Variants in LAMP2 observed in about 807,000 individuals in gnomAD.
LAMP2 encodes the protein lysosome associated membrane protein 2, also known as lysosome-associated membrane glycoprotein 2.
A neutral mutation model predicts 25.6 loss-of-function variants in LAMP2; 4 were observed. The observed-to-expected ratio is 0.16, with a 90% CI of 0.08 to 0.36. The LOEUF (loss-of-function observed/expected upper bound fraction) is 0.36, where lower values mean the gene tolerates loss of function less well. Ranked by LOEUF, LAMP2 falls within the 10% of genes least tolerant of loss-of-function variation. The pLI is 1.00. For missense variants in LAMP2, 272 were observed against 301.4 expected (o/e 0.90, Z 0.72); for synonymous variants, 108 against 112.7 (o/e 0.96, Z 0.27).
At chrX:120,443,622 ACATAAGGTT>A (rs1171379724) in intron 6 of LAMP2, among the ~76,000 whole-genome samples, 2 of 111,683 alleles carry the variant, frequency 1.8e-5, no homozygotes, top group Non-Finnish European at 3.8e-5. Flanking sequence ...ACTAAAGGAA[ACATAAGGTT>A]CATAAAGAGG....
intron 6 of LAMP2, among the ~76,000 whole-genome samples, chrX:120,442,924 TTCC>T (rs1403097671): frequency 8.9e-6 from 1 of 111,887 alleles, no homozygotes; most frequent in Non-Finnish European, 1.9e-5. Context: ...CTCAATTTTA[TTCC>T]TCCTGTCACT....
Position 120,447,479 on chromosome X carries a change from C to T in LAMP2, c.741+362G>A, listed in dbSNP as rs184352017. 4.6e-3 allele frequency among the ~76,000 whole-genome samples: 506 copies of T among 110,444 alleles called. 5 individuals carry two copies. Among genetic ancestry groups the T allele is most frequent in the African/African-American group, 0.016 (471 of 30,303 alleles). On this transcript the variant is annotated intron_variant, in intron 5 of 8. Coordinates refer to ENST00000200639, the MANE Select transcript of LAMP2 (RefSeq NM_002294.3). ...ATCCCAGCACTTTGGGAGGCCGAGA[C>T]GGGCGGAGCACAAGGTCAGGAGATC... is the stretch of plus-strand genomic sequence containing the variant.
intron 8 of LAMP2, chrX:120,439,094 G>A: frequency 8.3e-7 from 1 of 1,203,706 alleles, no homozygotes; most frequent in African/African-American, 1.7e-5. Context: ...GACCAGTATT[G>A]CATGTTGGAA....
At chrX:120,452,574 GTCTCTC>G (rs35651584) in intron 3 of LAMP2, among the ~76,000 whole-genome samples, 6,704 of 106,964 alleles carry the variant, frequency 0.063, 532 homozygotes, top group African/African-American at 0.21. Flanking sequence ...TTGAGACAGG[GTCTCTC>G]TCTCTCTGTC....
rs759191240 is a variant in LAMP2, at chrX:120,426,525, C to A, written c.*4798G>T. Among the ~76,000 whole-genome samples the A allele has an allele frequency of 9.0e-6, 1 of 110,867 alleles. No homozygotes were observed. Among genetic ancestry groups the A allele is most frequent in the African/African-American group, 3.3e-5 (1 of 30,530 alleles). On this transcript the variant is annotated 3_prime_UTR_variant, in exon 9 of 9. Transcript: ENST00000200639. ...ATTTTAATTCTCAAAGAATTAAACA[C>A]ACATATTTTCTAATTAATTAAGATA...
chrX:120,468,568 A>C (rs977767076), intron 1 of LAMP2, among the ~76,000 whole-genome samples: 6 of 110,575 alleles, frequency 5.4e-5, no homozygotes, highest in Admixed American at 1.9e-4. Context: ...CAACCCTGTC[A>C]CTGCCCCTGC....
chrX:120,455,310 T>C (rs755523431), intron 3 of LAMP2, 47 bp downstream of exon 3: 11 of 994,263 alleles, frequency 1.1e-5, no homozygotes, highest in Non-Finnish European at 1.4e-5. Context: ...ATTTTTATCA[T>C]TAATAAAAAG....
At chrX:120,468,967 C>G in intron 1 of LAMP2, 139 bp downstream of exon 1, 2 of 694,976 alleles carry the variant, frequency 2.9e-6, no homozygotes, top group Non-Finnish European at 4.7e-6. Flanking sequence ...CTTGCCTCCC[C>G]GGGCCAACCG....
Position 120,430,714 on chromosome X carries a change from C to CT in LAMP2, c.*608dup. 3 of 755,005 alleles carry CT rather than the reference C, an allele frequency of 4.0e-6. No individual in the cohort carries two copies. Among genetic ancestry groups the CT allele is most frequent in the Non-Finnish European group, 4.7e-6 (3 of 639,753 alleles). 62.2% of individuals were successfully genotyped at this position (755,005 alleles called of 1,213,427 possible). A position where few individuals can be genotyped will look rare whatever the true frequency, so the allele number is the denominator to read the frequency against. ...AGGGAAAAATCACAGGCTTGAGGTA[C>CT]TAACTTCATGCTTAACTTGAACTCA... On this transcript the variant is annotated 3_prime_UTR_variant, in exon 9 of 9. Coordinates refer to ENST00000200639, the MANE Select transcript of LAMP2 (RefSeq NM_002294.3).
At position 120,430,774 on chromosome X, in the gene LAMP2, G is replaced by A; in HGVS notation, c.*549C>T. On this transcript the variant is annotated 3_prime_UTR_variant, in exon 9 of 9. Transcript: ENST00000200639. ...GCAAAAGTCACATAACCTTTAAAAT[G>A]CTGATGGTCCTGAGGACATTCTCTA... The A allele has an allele frequency of 1.3e-6, 1 of 754,171 alleles. No individual in the cohort carries two copies. Among genetic ancestry groups the A allele is most frequent in the Non-Finnish European group, 1.6e-6 (1 of 638,893 alleles). The allele number at this position is 754,171 out of a possible 1,213,427, so 62.2% of individuals were successfully genotyped here.
rs776335166 is a variant in LAMP2, at chrX:120,431,607, G to T, written c.1094-145C>A. 1.7e-4 allele frequency: 87 copies of T among 510,729 alleles called. 2 individuals are homozygous for T. Among genetic ancestry groups the T allele is most frequent in the Admixed American group, 5.1e-4 (18 of 35,230 alleles). The allele number at this position is 510,729 out of a possible 1,213,427, so 42.1% of individuals were successfully genotyped here. A position where few individuals can be genotyped will look rare whatever the true frequency, so the allele number is the denominator to read the frequency against. Reference sequence around the variant, plus strand: ...ACAAGTCATTGGCATTTCATTATCAGCAAATGAGATGTTCCACAAAAGTGA... The same window carrying T: ...ACAAGTCATTGGCATTTCATTATCATCAAATGAGATGTTCCACAAAAGTGA... On this transcript the variant is annotated intron_variant, in intron 8 of 8. Transcript: ENST00000200639.
At chrX:120,435,213 A>C (rs2058538185) in intron 8 of LAMP2, among the ~76,000 whole-genome samples, 1 of 112,542 alleles carries the variant, frequency 8.9e-6, no homozygotes, top group Non-Finnish European at 1.9e-5. Context: ...TTCTTAGGTG[A>C]TATTTTGTTA....
chrX:120,436,164 A>G (rs867944831), intron 8 of LAMP2, among the ~76,000 whole-genome samples: 1 of 85,688 alleles, frequency 1.2e-5, no homozygotes, highest in Non-Finnish European at 2.3e-5. Flanking sequence ...ACACACACAC[A>G]CACACACTCT....
chrX:120,432,636 G>C (rs1283707288), intron 8 of LAMP2, among the ~76,000 whole-genome samples: 1 of 111,738 alleles, frequency 8.9e-6, no homozygotes, highest in African/African-American at 3.3e-5. Flanking sequence ...GGAGATAATA[G>C]AATGGTTTCC....
At chrX:120,437,633 C>CA (rs769244306) in intron 8 of LAMP2, 3 of 749,762 alleles carry the variant, frequency 4.0e-6, no homozygotes, top group Non-Finnish European at 4.7e-6. Context: ...GTACATCTCT[C>CA]AGACCACAAA....
chrX:120,462,570 A>G (rs1921364920), intron 1 of LAMP2, among the ~76,000 whole-genome samples: 1 of 109,209 alleles, frequency 9.2e-6, no homozygotes, highest in Non-Finnish European at 1.9e-5. Flanking sequence ...TACTTCCCCA[A>G]GTGTATGACA....
rs1295088140 is a variant in LAMP2, at chrX:120,429,086, G to A, written c.*2237C>T. The A allele has an allele frequency of 3.9e-6, 2 of 508,686 alleles. No individual in the cohort carries two copies. The highest frequency in any genetic ancestry group is 4.8e-6 in the Non-Finnish European group (2 of 419,045). The allele number at this position is 508,686 out of a possible 1,213,427, so 41.9% of individuals were successfully genotyped here. A position where few individuals can be genotyped will look rare whatever the true frequency, so the allele number is the denominator to read the frequency against. The stretch of plus-strand genomic sequence containing the variant: ...GTAGTATATATATACATATATATGT[G>A]TGTGTATATATATGTGTATATATAT... On this transcript the variant is annotated 3_prime_UTR_variant, in exon 9 of 9. Coordinates refer to ENST00000200639, the MANE Select transcript of LAMP2 (RefSeq NM_002294.3).
In LAMP2 at chrX:120,469,128, G is replaced by C. The variant is rs727503122; in HGVS notation, c.42C>G (p.Leu14=). 2 of 1,210,847 alleles carry C rather than the reference G, an allele frequency of 1.7e-6. No homozygotes were observed. The highest frequency in any genetic ancestry group is 2.2e-5 in the Admixed American group (1 of 45,926). The change falls in exon 1 of 9, where the codon CTC becomes CTG. Residue 14 remains leucine, a synonymous_variant. Coordinates refer to ENST00000200639, the MANE Select transcript of LAMP2 (RefSeq NM_002294.3). ...CACCCAGGACTAGGCAGACCAGAAC[G>C]AGCCCTGAGCCCGGAACCGGGAAGA... The part of the protein sequence containing the change: ...FRLFPVPGSG[L]VLVCLVLGAV...
At chrX:120,437,817 A>C in intron 8 of LAMP2, 1 of 750,088 alleles carries the variant, frequency 1.3e-6, no homozygotes, top group Non-Finnish European at 1.6e-6. Flanking sequence ...TAAAACCAAG[A>C]CTTTTTGGTT....
Sources: allele counts gnomAD v4.1 joint callset (sites outside exome capture counted in the v4.1 genomes callset), GRCh38; gene constraint gnomAD v4.1.1; transcripts MANE v1.5; gene names NCBI Gene and HGNC (gene_info 2026-07-23, HGNC 2026-07-21).